SLC24A2: variants seen among roughly 807,000 people sequenced by gnomAD.
SLC24A2 encodes the protein solute carrier family 24 member 2, also known as sodium/potassium/calcium exchanger 2.
SLC24A2 carries 36 observed loss-of-function variants against 62.0 expected under a neutral mutation model. The ratio of observed to expected loss-of-function variants is 0.58; its 90% CI spans 0.44 to 0.77. The LOEUF is 0.77. Among genes scored for constraint, SLC24A2 ranks in the 30% least tolerant of loss-of-function variants. The pLI, the probability that SLC24A2 is intolerant of heterozygous loss-of-function variation, is 0.00. For missense variants in SLC24A2, 846 were observed against 817.9 expected (o/e 1.03, Z -0.42); for synonymous variants, 358 against 294.0 (o/e 1.22, Z -2.23).
the SLC24A2 span, among the ~76,000 whole-genome samples, chr9:20,281,787 T>G: frequency 6.6e-6 from 1 of 152,250 alleles, no homozygotes; most frequent in Non-Finnish European, 1.5e-5. Context: ...AAAATTCTAG[T>G]TTATAGCTTT....
At chr9:20,123,744 A>G in the SLC24A2 span, among the ~76,000 whole-genome samples, 1 of 152,194 alleles carries the variant, frequency 6.6e-6, no homozygotes, top group Non-Finnish European at 1.5e-5. Context: ...AGTAAGTAAC[A>G]ATGCTTTAAT....
At chr9:19,838,795 A>T in the SLC24A2 span, among the ~76,000 whole-genome samples, 10 of 151,970 alleles carry the variant, frequency 6.6e-5, no homozygotes, top group African/African-American at 2.4e-4. Context: ...CCCTAGAAGA[A>T]AACCTAGGCA....
chr9:19,809,397 G>T, the SLC24A2 span, among the ~76,000 whole-genome samples: 1 of 152,156 alleles, frequency 6.6e-6, no homozygotes, highest in Non-Finnish European at 1.5e-5. Flanking sequence ...CGTACCTGGT[G>T]GAAGATTATT....
chr9:20,283,959 G>C, the SLC24A2 span, among the ~76,000 whole-genome samples: 5 of 152,060 alleles, frequency 3.3e-5, no homozygotes, highest in African/African-American at 9.7e-5. Flanking sequence ...TCACCATTTT[G>C]TCTCTTAACA....
At chr9:20,048,096 C>G in the SLC24A2 span, among the ~76,000 whole-genome samples, 4 of 152,138 alleles carry the variant, frequency 2.6e-5, no homozygotes, top group Non-Finnish European at 5.9e-5. Flanking sequence ...TTGTTAATAA[C>G]AGCTACCACT....
the SLC24A2 span, among the ~76,000 whole-genome samples, chr9:19,819,274 T>TA: frequency 6.6e-6 from 1 of 152,092 alleles, no homozygotes; most frequent in South Asian, 2.1e-4. Context: ...AAAACCCTCC[T>TA]AGACATTGGC....
chr9:20,050,240 C>CGAAAAAAAA, the SLC24A2 span, among the ~76,000 whole-genome samples: 1 of 59,560 alleles, frequency 1.7e-5, no homozygotes, highest in African/African-American at 6.0e-5. Context: ...CCCGTCTCTA[C>CGAAAAAAAA]AAAAAAAAAA....
chr9:19,717,706 T>A (rs1046792750), intron 2 of SLC24A2, among the ~76,000 whole-genome samples: 1 of 152,206 alleles, frequency 6.6e-6, no homozygotes, highest in African/African-American at 2.4e-5. Context: ...ATTCTAAATT[T>A]TTTAGCTGAC....
chr9:19,917,103 T>C, the SLC24A2 span, among the ~76,000 whole-genome samples: 1 of 150,810 alleles, frequency 6.6e-6, no homozygotes, highest in Non-Finnish European at 1.5e-5. Flanking sequence ...TATTTTAATT[T>C]TGTATTTTCT....
chr9:19,731,963 G>C (rs1025981931), intron 2 of SLC24A2, among the ~76,000 whole-genome samples: 5 of 152,180 alleles, frequency 3.3e-5, no homozygotes, highest in Non-Finnish European at 5.9e-5. Flanking sequence ...AAATGAGTAT[G>C]ACAATATCTA....
chr9:20,117,373 A>G, the SLC24A2 span, among the ~76,000 whole-genome samples: 1 of 152,170 alleles, frequency 6.6e-6, no homozygotes, highest in Non-Finnish European at 1.5e-5. Context: ...TACATGAAAG[A>G]GATAATTCTG....
At chr9:20,226,064 T>A in the SLC24A2 span, among the ~76,000 whole-genome samples, 21 of 152,266 alleles carry the variant, frequency 1.4e-4, no homozygotes, top group East Asian at 1.7e-3. Context: ...TTTCAGTTCC[T>A]AAGGATGAAT....
the SLC24A2 span, among the ~76,000 whole-genome samples, chr9:20,093,609 G>C: frequency 6.6e-6 from 1 of 152,068 alleles, no homozygotes. Flanking sequence ...TATTATTATA[G>C]AGGTAACATG....
At chr9:19,729,241 C>T (rs1430817314) in intron 2 of SLC24A2, among the ~76,000 whole-genome samples, 2 of 152,222 alleles carry the variant, frequency 1.3e-5, no homozygotes, top group Non-Finnish European at 2.9e-5. Flanking sequence ...ATAACAAATG[C>T]TGGTAGTGAC....
At chr9:20,099,216 T>C in the SLC24A2 span, among the ~76,000 whole-genome samples, 1 of 152,208 alleles carries the variant, frequency 6.6e-6, no homozygotes, top group Non-Finnish European at 1.5e-5. Flanking sequence ...GACAATGATA[T>C]TTCTTGAAAC....
intron 2 of SLC24A2, among the ~76,000 whole-genome samples, chr9:19,784,058 G>A (rs1485165567): frequency 6.6e-6 from 1 of 152,122 alleles, no homozygotes; most frequent in African/African-American, 2.4e-5. Context: ...AATTATGGAT[G>A]CAAATAACAA....
At chr9:19,549,383 C>G (rs181406346) in intron 8 of SLC24A2, among the ~76,000 whole-genome samples, 107 of 152,260 alleles carry the variant, frequency 7.0e-4, no homozygotes, top group African/African-American at 2.6e-3. Context: ...GTTTCCTCCC[C>G]CTTTAATCAA....
the SLC24A2 span, among the ~76,000 whole-genome samples, chr9:20,157,299 G>GA: frequency 3.3e-5 from 5 of 150,808 alleles, no homozygotes; most frequent in South Asian, 2.1e-4. Flanking sequence ...AGCATCACCT[G>GA]AAAAAAAAGC....
chr9:19,895,855 A>G, the SLC24A2 span: 1 of 1,611,024 alleles, frequency 6.2e-7, no homozygotes. Context: ...CAGGCCAGCA[A>G]AGAAGGGGTG....
Sources: allele counts gnomAD v4.1 joint callset (sites outside exome capture counted in the v4.1 genomes callset), GRCh38; gene constraint gnomAD v4.1.1; transcripts MANE v1.5; gene names NCBI Gene and HGNC (gene_info 2026-07-23, HGNC 2026-07-21).